LTBP1: variants seen among roughly 807,000 people sequenced by gnomAD.
LTBP1 encodes the protein latent-transforming growth factor beta-binding protein 1.
In LTBP1, 129 loss-of-function variants were observed where a neutral mutation model predicts 207.6. The observed-to-expected ratio is 0.62, with a 90% confidence interval of 0.54 to 0.72. LTBP1 has a LOEUF of 0.72. LTBP1 is among the 30% of genes least tolerant of loss of function. The probability of loss-of-function intolerance (pLI) is 0.00; values close to 1 mark genes in which losing one functional copy is unlikely to be tolerated. For missense variants in LTBP1, 2,281 were observed against 2,217.2 expected, an observed-to-expected ratio of 1.03 and a Z score of -0.58; for synonymous variants, 963 against 833.7, an observed-to-expected ratio of 1.16 and a Z score of -2.67.
At chr2:32,995,848 T>G (rs1685183560) in intron 2 of LTBP1, among the ~76,000 whole-genome samples, 1 of 152,108 alleles carries the variant, frequency 6.6e-6, no homozygotes, top group African/African-American at 2.4e-5. Flanking sequence ...CTAAGAACAT[T>G]ACATACATTA....
chr2:33,392,535 T>C (rs1236846998), intron 32 of LTBP1, among the ~76,000 whole-genome samples: 4 of 152,044 alleles, frequency 2.6e-5, no homozygotes, highest in Admixed American at 2.6e-4. Flanking sequence ...CTGTTGTAGG[T>C]ATTCAACTCT....
At chr2:33,087,084 C>CCTTTTTTT (rs1323005803) in intron 3 of LTBP1, among the ~76,000 whole-genome samples, 2 of 89,026 alleles carry the variant, frequency 2.2e-5, no homozygotes, top group Non-Finnish European at 4.1e-5. Flanking sequence ...CTCCTTTATG[C>CCTTTTTTT]TTTTTTTTTT....
In LTBP1 at chr2:33,280,165, A is replaced by G; in HGVS notation, c.3112+7A>G. 1 of 1,604,096 alleles carries G rather than the reference A, an allele frequency of 6.2e-7. No homozygotes were observed. Among genetic ancestry groups the G allele is most frequent in the Non-Finnish European group, 8.5e-7 (1 of 1,176,562 alleles). ...TGGAATGGACAGTGCCTTGGTAGGT[A>G]CTATAGTGTACTTATCAAAGATTTG... On this transcript the variant is annotated splice_region_variant and intron_variant, in intron 19 of 33. Transcript: ENST00000404816.
intron 24 of LTBP1, among the ~76,000 whole-genome samples, chr2:33,338,218 C>T (rs932860546): frequency 3.9e-5 from 6 of 152,138 alleles, no homozygotes; most frequent in African/African-American, 1.4e-4. Context: ...CAAAATATTG[C>T]TCATCTAAAC....
chr2:33,277,922 C>T (rs977812224), intron 18 of LTBP1, among the ~76,000 whole-genome samples: 2 of 150,122 alleles, frequency 1.3e-5, no homozygotes, highest in Admixed American at 6.7e-5. Flanking sequence ...CTCCGCCTCC[C>T]GGGTTCACAT....
chr2:33,100,612 T>G lies in LTBP1; in HGVS notation c.864-9970T>G, dbSNP rs1299579911. On this transcript the variant is annotated intron_variant, in intron 3 of 33. Transcript: ENST00000404816. ...ACAGTTCATGGAAGTACATGCACCG[T>G]GCTGTGCAACCATCACTACTTTCTG... Among the ~76,000 whole-genome samples, 4 of 152,198 alleles carry G rather than the reference T, an allele frequency of 2.6e-5. 1 individual carries two copies. The highest frequency in any genetic ancestry group is 5.9e-5 in the Non-Finnish European group (4 of 68,038).
intron 2 of LTBP1, among the ~76,000 whole-genome samples, chr2:33,020,622 T>C (rs2075119184): frequency 6.6e-6 from 1 of 152,148 alleles, no homozygotes; most frequent in Non-Finnish European, 1.5e-5. Context: ...AATCTCTGTT[T>C]CTGTTTTTTC....
intron 24 of LTBP1, among the ~76,000 whole-genome samples, chr2:33,328,745 A>G (rs755179156): frequency 5.3e-5 from 8 of 152,308 alleles, no homozygotes; most frequent in Non-Finnish European, 8.8e-5. Flanking sequence ...CAGCCAAACC[A>G]TATCACCTGC....
chr2:33,125,785 G>A (rs147100836), intron 4 of LTBP1, among the ~76,000 whole-genome samples: 3,244 of 151,246 alleles, frequency 0.021, 105 homozygotes, highest in African/African-American at 0.075. Flanking sequence ...AGCCGAGATG[G>A]TGCTACTGCA....
chr2:33,306,278 G>A (rs1351051581), intron 22 of LTBP1, among the ~76,000 whole-genome samples: 1 of 152,138 alleles, frequency 6.6e-6, no homozygotes, highest in East Asian at 1.9e-4. Flanking sequence ...CTTTAAAGTA[G>A]CATGAACAGA....
intron 3 of LTBP1, among the ~76,000 whole-genome samples, chr2:33,097,641 T>A (rs2079469698): frequency 6.6e-6 from 1 of 152,210 alleles, no homozygotes; most frequent in African/African-American, 2.4e-5. Context: ...GTATTAATAA[T>A]GTGGTGGATA....
At chr2:33,109,427 A>G (rs2080261294) in intron 3 of LTBP1, among the ~76,000 whole-genome samples, 1 of 152,248 alleles carries the variant, frequency 6.6e-6, no homozygotes, top group African/African-American at 2.4e-5. Flanking sequence ...CAATTTCAGT[A>G]GCAATTTTGC....
intron 29 of LTBP1, among the ~76,000 whole-genome samples, chr2:33,363,904 T>C (rs1354109376): frequency 3.9e-5 from 6 of 152,188 alleles, no homozygotes; most frequent in Non-Finnish European, 8.8e-5. Flanking sequence ...CAGAAAAACA[T>C]AGCAAAAGGA....
chr2:33,012,081 C>G (rs1211863569), intron 2 of LTBP1, among the ~76,000 whole-genome samples: 1 of 152,188 alleles, frequency 6.6e-6, no homozygotes, highest in South Asian at 2.1e-4. Flanking sequence ...CCTGTGGGGT[C>G]TCCCTGGCTG....
At chr2:33,122,681 A>G (rs2081205915) in intron 4 of LTBP1, among the ~76,000 whole-genome samples, 1 of 152,224 alleles carries the variant, frequency 6.6e-6, no homozygotes, top group Non-Finnish European at 1.5e-5. Flanking sequence ...ATGAAGTTCA[A>G]CAGCATTTCT....
At chr2:33,231,744 G>A (rs1024584391) in intron 9 of LTBP1, among the ~76,000 whole-genome samples, 3 of 152,132 alleles carry the variant, frequency 2.0e-5, no homozygotes, top group African/African-American at 7.2e-5. Context: ...CAGACATGTA[G>A]AATGAGGTGA....
intron 31 of LTBP1, among the ~76,000 whole-genome samples, chr2:33,387,838 T>C (rs1418842148): frequency 1.3e-5 from 2 of 151,280 alleles, no homozygotes; most frequent in African/African-American, 4.9e-5. Flanking sequence ...TCCAGGCAAG[T>C]GTGGCCATTG....
At chr2:33,364,131 A>T in intron 29 of LTBP1, 85 bp from the exon 30 acceptor site, 1 of 1,358,078 alleles carries the variant, frequency 7.4e-7, no homozygotes, top group Non-Finnish European at 1.0e-6. Context: ...TCTGGACTAA[A>T]TATAGCAATG....
chr2:33,040,703 C>T (rs2076142113), intron 3 of LTBP1, among the ~76,000 whole-genome samples: 1 of 152,194 alleles, frequency 6.6e-6, no homozygotes, highest in Non-Finnish European at 1.5e-5. Flanking sequence ...GCATGCATTA[C>T]TTGTGACAGG....
Sources: allele counts gnomAD v4.1 joint callset (sites outside exome capture counted in the v4.1 genomes callset), GRCh38; gene constraint gnomAD v4.1.1; transcripts MANE v1.5; gene names NCBI Gene and HGNC (gene_info 2026-07-23, HGNC 2026-07-21).